The following CALCR variants were observed in gnomAD, a reference collection of about 807,000 sequenced individuals.
The protein encoded by CALCR is calcitonin receptor.
A neutral mutation model predicts 59.5 loss-of-function variants in CALCR; 47 were observed. That is an observed-to-expected ratio of 0.79 (90% CI 0.63 to 1.01). The LOEUF is 1.01. CALCR is among the 50% of genes least tolerant of loss of function. The pLI is 0.00. For missense variants in CALCR, 566 were observed against 597.1 expected (o/e 0.95, Z 0.54); for synonymous variants, 213 against 211.3 (o/e 1.01, Z -0.07).
intron 11 of CALCR, among the ~76,000 whole-genome samples, chr7:93,437,133 A>C (rs1799798441): frequency 6.6e-6 from 1 of 152,150 alleles, no homozygotes; most frequent in East Asian, 1.9e-4. Context: ...TTCACAGTGA[A>C]GTATGCATAT....
At position 93,461,076 on chromosome 7, in the gene CALCR, G is replaced by T. The variant is rs1210271502; in HGVS notation, c.522-129C>A. On this transcript the variant is annotated intron_variant, in intron 7 of 13. Coordinates refer to ENST00000426151, the MANE Select transcript of CALCR (RefSeq NM_001742.4). ...TGAAAGAACATATAGAAGAAAGTAA[G>T]GCTGGTCTCCTCTTTCAGATTTATT... The T allele has an allele frequency of 1.3e-5, 9 of 715,862 alleles. No homozygotes were observed. In the East Asian group the frequency reaches 2.9e-4, roughly 23 times the overall value. The allele number at this position is 715,862 out of a possible 1,614,324, so 44.3% of individuals were successfully genotyped here.
In CALCR at chr7:93,559,057, A is replaced by G. The variant is rs1327120843; in HGVS notation, c.-27+15232T>C. The stretch of plus-strand genomic sequence containing the variant: ...ACATGGGAGGTTTAAAAATCTGTCA[A>G]ATAACAACAACAAAAAAAATTCTTG... On this transcript the variant is annotated intron_variant, in intron 2 of 13. Coordinates refer to ENST00000426151, the MANE Select transcript of CALCR (RefSeq NM_001742.4). Among the ~76,000 whole-genome samples, 4 of 151,930 alleles carry G rather than the reference A, an allele frequency of 2.6e-5. No homozygotes were observed. The East Asian group carries it at 5.8e-4, about 22-fold the overall frequency.
intron 3 of CALCR, among the ~76,000 whole-genome samples, chr7:93,480,546 C>G (rs1800773376): frequency 6.6e-6 from 1 of 151,828 alleles, no homozygotes; most frequent in South Asian, 2.1e-4. Context: ...ATGTACTCTT[C>G]TATATGTGCT....
At chr7:93,563,042 TG>T (rs549383335) in intron 2 of CALCR, among the ~76,000 whole-genome samples, 351 of 152,324 alleles carry the variant, frequency 2.3e-3, no homozygotes, top group Non-Finnish European at 4.2e-3. Context: ...AAAAGTCACT[TG>T]CAAAAGGCTG....
Position 93,477,632 on chromosome 7 carries a change from C to A in CALCR, c.242G>T (p.Cys81Phe), listed in dbSNP as rs745444864. The change falls in exon 5 of 14, where the codon TGC becomes TTC. Residue 81 changes from cysteine to phenylalanine, a missense_variant. Physicochemically the swap from Cys to Phe is radical, Grantham distance 205. Coordinates refer to ENST00000426151, the MANE Select transcript of CALCR (RefSeq NM_001742.4). ...YCNRTWDGWLCWDDTPAGVLS... is the reference protein window; with the variant it reads ...YCNRTWDGWLFWDDTPAGVLS... ...TACTCCAGCCGGTGTGTCATCCCAGCACAGCCATCCATCCCAGGTGCGATT... is the reference window on the plus strand; with the variant it reads ...TACTCCAGCCGGTGTGTCATCCCAGAACAGCCATCCATCCCAGGTGCGATT... The A allele has an allele frequency of 1.2e-6, 2 of 1,611,244 alleles. No individual in the cohort carries two copies. Among genetic ancestry groups the A allele is most frequent in the Non-Finnish European group, 1.7e-6 (2 of 1,178,376 alleles).
chr7:93,481,133 C>A (rs918382741), intron 3 of CALCR, among the ~76,000 whole-genome samples: 2 of 151,744 alleles, frequency 1.3e-5, no homozygotes, highest in African/African-American at 4.8e-5. Flanking sequence ...TGAGGATGAA[C>A]AAGACAATAA....
chr7:93,461,040 T>C, intron 7 of CALCR, 93 bp from the exon 8 acceptor site: 4 of 1,078,130 alleles, frequency 3.7e-6, no homozygotes, highest in Non-Finnish European at 5.3e-6. Flanking sequence ...ATATTTTCTT[T>C]AAAAAAAAGA....
chr7:93,566,167 A>T (rs1789859301), intron 2 of CALCR, among the ~76,000 whole-genome samples: 1 of 152,164 alleles, frequency 6.6e-6, no homozygotes, highest in Non-Finnish European at 1.5e-5. Flanking sequence ...AATTTACTTG[A>T]TGTCTGCCTA....
chr7:93,424,809 A>G lies in CALCR; in HGVS notation c.*1547T>C, dbSNP rs1188150877. ...TGATTGGAAAAATACCTTCTTTTCG[A>G]TCCCCCCCTTACATTCAGTAAAGGA... On this transcript the variant is annotated 3_prime_UTR_variant, in exon 14 of 14. Transcript: ENST00000426151. 7 of 152,736 alleles carry G rather than the reference A, an allele frequency of 4.6e-5. No individual in the cohort carries two copies. Among genetic ancestry groups the G allele is most frequent in the African/African-American group, 1.7e-4 (7 of 41,566 alleles). 9.5% of individuals were successfully genotyped at this position (152,736 alleles called of 1,614,324 possible). A position where few individuals can be genotyped will look rare whatever the true frequency, so the allele number is the denominator to read the frequency against.
intron 2 of CALCR, among the ~76,000 whole-genome samples, chr7:93,564,365 T>G (rs1298161451): frequency 6.6e-6 from 1 of 152,088 alleles, no homozygotes; most frequent in Non-Finnish European, 1.5e-5. Flanking sequence ...GCTTTTAACA[T>G]GCTTAAGTTT....
intron 2 of CALCR, among the ~76,000 whole-genome samples, chr7:93,537,114 GA>G (rs987319279): frequency 4.0e-5 from 6 of 148,924 alleles, no homozygotes; most frequent in East Asian, 2.0e-4. Flanking sequence ...AAAACAAAAA[GA>G]AAAAAAAACC....
chr7:93,501,372 T>C (rs2116001974), intron 2 of CALCR, among the ~76,000 whole-genome samples: 1 of 152,198 alleles, frequency 6.6e-6, no homozygotes, highest in South Asian at 2.1e-4. Context: ...ATTATAATTT[T>C]ACAAATTTAT....
At chr7:93,447,980 G>T (rs1166403479) in intron 8 of CALCR, among the ~76,000 whole-genome samples, 6 of 151,966 alleles carry the variant, frequency 3.9e-5, no homozygotes, top group Non-Finnish European at 1.5e-5. Context: ...ATTGCAGGCA[G>T]TAGGCTAGAA....
At chr7:93,564,650 C>T (rs974871314) in intron 2 of CALCR, among the ~76,000 whole-genome samples, 3 of 151,880 alleles carry the variant, frequency 2.0e-5, no homozygotes, top group African/African-American at 4.8e-5. Context: ...GACGGGGTTT[C>T]GCTATGTTGG....
intron 8 of CALCR, among the ~76,000 whole-genome samples, chr7:93,450,764 T>C (rs949006409): frequency 6.6e-6 from 1 of 151,878 alleles, no homozygotes; most frequent in Non-Finnish European, 1.5e-5. Flanking sequence ...CTGTGAGAGG[T>C]TTTTGCCAGA....
chr7:93,472,225 A>C, intron 6 of CALCR, 150 bp downstream of exon 6: 12 of 572,104 alleles, frequency 2.1e-5, no homozygotes, highest in Middle Eastern at 3.5e-4. Flanking sequence ...ATTCTACTCT[A>C]GAGATTCCTA....
At chr7:93,483,414 TAGATA>T (rs1486251672) in intron 3 of CALCR, among the ~76,000 whole-genome samples, 5 of 91,146 alleles carry the variant, frequency 5.5e-5, no homozygotes, top group Non-Finnish European at 6.3e-5. Flanking sequence ...ACTGTATAGA[TAGATA>T]GATAGATAGA....
intron 7 of CALCR, chr7:93,462,086 C>CA: frequency 6.7e-7 from 1 of 1,502,532 alleles, no homozygotes. Flanking sequence ...ATTTCCAATT[C>CA]AAAGGAAAAA....
intron 2 of CALCR, among the ~76,000 whole-genome samples, chr7:93,524,076 G>A (rs1166790450): frequency 6.6e-6 from 1 of 151,594 alleles, no homozygotes; most frequent in East Asian, 1.9e-4. Context: ...TACTCATTAA[G>A]TAAAATGAAA....
Sources: allele counts gnomAD v4.1 joint callset (sites outside exome capture counted in the v4.1 genomes callset), GRCh38; gene constraint gnomAD v4.1.1; transcripts MANE v1.5; gene names NCBI Gene and HGNC (gene_info 2026-07-23, HGNC 2026-07-21).